Variants in ANK2 observed in about 807,000 individuals in gnomAD.
ANK2 encodes the protein ankyrin 2.
In ANK2, 83 loss-of-function variants were observed where a neutral mutation model predicts 360.5. That is an observed-to-expected ratio of 0.23 (90% confidence interval 0.19 to 0.28). ANK2 has a LOEUF of 0.28. ANK2 is among the 10% of genes least tolerant of loss of function. ANK2 has a pLI of 1.00. For synonymous variants in ANK2, 1,740 were observed against 1,759.5 expected (o/e 0.99, Z 0.28); for missense variants, 4,201 against 4,795.7 (o/e 0.88, Z 3.66).
Position 112,934,520 on chromosome 4 carries a change from T to A in ANK2, c.21+30006T>A, listed in dbSNP as rs545156430. ...CTTTTCTATATTTTCAACATTTTAG[T>A]CAATTCAGTGGTATTTATTAGATTC... On this transcript the variant is annotated intron_variant, in intron 2 of 30. Coordinates refer to the ANK2 transcript ENST00000503271. Among the ~76,000 whole-genome samples the A allele has an allele frequency of 2.6e-5, 4 of 152,334 alleles. No homozygotes were observed. The South Asian group carries it at 8.3e-4, about 32-fold the overall frequency.
intron 1 of ANK2, among the ~76,000 whole-genome samples, chr4:113,124,186 T>C (rs2095530298): frequency 6.6e-6 from 1 of 152,200 alleles, no homozygotes. Flanking sequence ...AAACACGTTA[T>C]GCTGTTTTGA....
intron 2 of ANK2, among the ~76,000 whole-genome samples, chr4:113,014,343 T>C (rs1387363084): frequency 6.6e-6 from 1 of 152,218 alleles, no homozygotes; most frequent in East Asian, 1.9e-4. Context: ...TCACTTAAGC[T>C]TTATGATAAC....
At chr4:113,003,743 A>G (rs753047926) in intron 2 of ANK2, among the ~76,000 whole-genome samples, 42 of 152,208 alleles carry the variant, frequency 2.8e-4, no homozygotes, top group Non-Finnish European at 4.8e-4. Context: ...GAAAGCATAA[A>G]AGAAACACAG....
intron 15 of ANK2, 51 bp from the exon 16 acceptor site, chr4:113,277,786 G>T (rs2153697911): frequency 2.8e-6 from 4 of 1,433,202 alleles, no homozygotes; most frequent in Non-Finnish European, 3.9e-6. Flanking sequence ...AAGATTTTTT[G>T]AGGAGTTACA....
At chr4:113,372,509 G>A in intron 43 of ANK2, 2 of 1,446,990 alleles carry the variant, frequency 1.4e-6, no homozygotes, top group African/African-American at 1.4e-5. Flanking sequence ...GTTAAACAAA[G>A]CAATGCTTCC....
At chr4:113,037,199 A>T (rs922877995) in intron 2 of ANK2, among the ~76,000 whole-genome samples, 1 of 151,974 alleles carries the variant, frequency 6.6e-6, no homozygotes, top group African/African-American at 2.4e-5. Flanking sequence ...AGGCTGACAG[A>T]TTTGTGGGCC....
intron 4 of ANK2, among the ~76,000 whole-genome samples, chr4:113,220,720 C>G (rs1241059907): frequency 6.6e-6 from 1 of 152,156 alleles, no homozygotes; most frequent in Non-Finnish European, 1.5e-5. Context: ...TACTAGCCAT[C>G]TCAACTTTTC....
At chr4:112,735,197 C>T in the ANK2 span, among the ~76,000 whole-genome samples, 1 of 152,026 alleles carries the variant, frequency 6.6e-6, no homozygotes, top group Non-Finnish European at 1.5e-5. Context: ...CCAGCTTGGG[C>T]AACATAGTGA....
chr4:112,848,234 C>G (rs553036611), intron 1 of ANK2, among the ~76,000 whole-genome samples: 45 of 152,272 alleles, frequency 3.0e-4, no homozygotes, highest in African/African-American at 1.1e-3. Context: ...AAGCGATTCA[C>G]CTGTAGCTTC....
chr4:113,283,898 C>A (rs1484235597), intron 18 of ANK2, among the ~76,000 whole-genome samples: 1 of 152,160 alleles, frequency 6.6e-6, no homozygotes, highest in African/African-American at 2.4e-5. Context: ...ATAAGTTGGT[C>A]TTAATGACAT....
At chr4:113,193,229 T>C (rs1276703090) in intron 2 of ANK2, among the ~76,000 whole-genome samples, 3 of 152,220 alleles carry the variant, frequency 2.0e-5, no homozygotes, top group African/African-American at 4.8e-5. Context: ...CCCTTGAAGA[T>C]CTGAGAATAA....
chr4:113,090,029 C>A (rs571725131), intron 1 of ANK2, among the ~76,000 whole-genome samples: 90 of 152,086 alleles, frequency 5.9e-4, no homozygotes, highest in Non-Finnish European at 9.7e-4. Context: ...TGAATGGAAT[C>A]GGTTTTCCAT....
chr4:113,139,714 A>T (rs571815734), intron 1 of ANK2, among the ~76,000 whole-genome samples: 25 of 152,320 alleles, frequency 1.6e-4, no homozygotes, highest in Admixed American at 3.9e-4. Context: ...ACATTTATTG[A>T]GTGCCCACTT....
chr4:113,049,690 G>T lies in ANK2; in HGVS notation c.-39G>T, dbSNP rs372870729. ...GCTAGTGGTCTGTACAGGCGGCACG[G>T]TTTGATGGCAGAGATATTTTCTTTC... On this transcript the variant is annotated 5_prime_UTR_variant, in exon 1 of 46. Coordinates refer to ENST00000357077, the MANE Select transcript of ANK2 (RefSeq NM_001148.6). The T allele has an allele frequency of 3.3e-5, 50 of 1,511,094 alleles. No homozygotes were observed. The highest frequency in any genetic ancestry group is 4.0e-5 in the Non-Finnish European group (45 of 1,116,684). The allele number at this position is 1,511,094 out of a possible 1,614,324, so 93.6% of individuals were successfully genotyped here.
At chr4:113,123,876 ATT>A (rs1230650085) in intron 1 of ANK2, among the ~76,000 whole-genome samples, 1 of 152,104 alleles carries the variant, frequency 6.6e-6, no homozygotes, top group African/African-American at 2.4e-5. Flanking sequence ...TATGACTCTA[ATT>A]TTTTCATGTG....
intron 31 of ANK2, among the ~76,000 whole-genome samples, chr4:113,338,317 A>G (rs2093813524): frequency 6.6e-6 from 1 of 152,262 alleles, no homozygotes; most frequent in Non-Finnish European, 1.5e-5. Flanking sequence ...CTCAGTAGAC[A>G]TGAAAGACAG....
intron 16 of ANK2, among the ~76,000 whole-genome samples, chr4:113,278,253 C>T (rs1425419157): frequency 6.6e-6 from 1 of 152,118 alleles, no homozygotes; most frequent in East Asian, 1.9e-4. Flanking sequence ...TCAAGATCCC[C>T]TTTGCTGGTG....
rs764211092 is a variant in ANK2, at chr4:113,358,187, T to C, written c.9569T>C (p.Val3190Ala). The change falls in exon 38 of 46, where the codon GTA becomes GCA. Residue 3190 changes from valine (V) to alanine (A), a missense_variant. This residue lies in a region of ANK2 where 2,642 missense variants were observed against 2,714.5 expected (regional missense o/e 0.97). Transcript: ENST00000357077. Reference protein sequence around the residue: ...DLLPDDVSEEVEEIPASDAQL... With the variant: ...DLLPDDVSEEAEEIPASDAQL... ...CTTCCAGATGACGTGAGTGAGGAAG[T>C]AGAGGAAATACCTGCTTCGGATGCT... 11 of 1,614,032 alleles carry C rather than the reference T, an allele frequency of 6.8e-6. No individual in the cohort carries two copies. The African/African-American group carries it at 1.5e-4, about 22-fold the overall frequency.
intron 1 of ANK2, among the ~76,000 whole-genome samples, chr4:112,845,901 G>C (rs968277614): frequency 6.6e-6 from 1 of 152,142 alleles, no homozygotes; most frequent in Non-Finnish European, 1.5e-5. Context: ...CCTTATTTCT[G>C]GTGTTATGAC....
Sources: gnomAD v4.1 joint callset for allele counts (sites outside exome capture counted in the v4.1 genomes callset) on GRCh38, gnomAD v4.1.1 for gene constraint, gnomAD v4.1.1 regional missense constraint, MANE v1.5 for transcripts, NCBI Gene and HGNC (gene_info 2026-07-23, HGNC 2026-07-21) for gene names.